NKTR: variants seen among roughly 807,000 people sequenced by gnomAD.
The protein encoded by NKTR is natural killer cell triggering receptor, also known as NK-tumor recognition protein.
Under a neutral mutation model 156.3 loss-of-function variants are expected in NKTR, and 67 were observed. The observed-to-expected ratio is 0.43, with a 90% CI of 0.35 to 0.53. NKTR has a LOEUF of 0.53. NKTR is among the 20% of genes least tolerant of loss of function. The pLI, the probability that NKTR is intolerant of heterozygous loss-of-function variation, is 0.01. For synonymous variants in NKTR, 640 were observed against 596.6 expected (o/e 1.07, Z -1.06); for missense variants, 1,604 against 1,730.9 (o/e 0.93, Z 1.30).
intron 13 of NKTR, among the ~76,000 whole-genome samples, chr3:42,641,291 C>T (rs777630857): frequency 1.3e-5 from 2 of 152,230 alleles, no homozygotes; most frequent in Admixed American, 6.5e-5. Flanking sequence ...TAGAACATAA[C>T]GTATTCATTT....
intron 5 of NKTR, chr3:42,620,869 T>G: frequency 1.0e-6 from 1 of 968,212 alleles, no homozygotes; most frequent in Non-Finnish European, 1.2e-6. Flanking sequence ...TTCACAGGGC[T>G]TTCTTCCTTA....
intron 6 of NKTR, chr3:42,630,315 C>CT: frequency 7.3e-7 from 1 of 1,361,498 alleles, no homozygotes; most frequent in South Asian, 1.9e-5. Flanking sequence ...TACATATAGT[C>CT]TAATAGAGAT....
At position 42,639,057 on chromosome 3, in the gene NKTR, G is replaced by C. The variant is rs1165646981; in HGVS notation, c.3353G>C (p.Gly1118Ala). The change falls in exon 13 of 17, where the codon GGA (glycine) becomes GCA (alanine). Residue 1118 changes from glycine (G) to alanine (A), a missense_variant. Gly to Ala is a moderately conservative substitution (Grantham distance 60). Transcript: ENST00000232978. The part of the protein sequence containing the change: ...IQHVEESVPN[G>A]VEDVLQTDDN... ...CACGTTGAAGAAAGTGTTCCCAATG[G>C]AGTGGAAGATGTGCTTCAAACAGAT... The C allele has an allele frequency of 3.7e-6, 6 of 1,614,104 alleles. No homozygotes were observed. Among genetic ancestry groups the C allele is most frequent in the Non-Finnish European group, 5.1e-6 (6 of 1,180,002 alleles).
rs903035905 is a variant in NKTR at position 42,642,445 on chromosome 3, T to G, written c.4047-56T>G. 1.4e-4 allele frequency: 185 copies of G among 1,349,430 alleles called. 1 individual carries two copies. The highest frequency in any genetic ancestry group is 1.3e-3 in the Middle Eastern group (7 of 5,304). 83.6% of individuals were successfully genotyped at this position (1,349,430 alleles called of 1,614,324 possible). A position where few individuals can be genotyped will look rare whatever the true frequency, so the allele number is the denominator to read the frequency against. The stretch of plus-strand genomic sequence containing the variant: ...CTTTCTGCCCTACCAGTAATTAATT[T>G]TAATATCATGATGAGTCAACATAAT... On this transcript the variant is annotated intron_variant, in intron 13 of 16. Coordinates refer to ENST00000232978, the MANE Select transcript of NKTR (RefSeq NM_005385.4).
chr3:42,630,758 A>C (rs2125804105), intron 7 of NKTR, 183 bp downstream of exon 7: 1 of 1,402,996 alleles, frequency 7.1e-7, no homozygotes, highest in Non-Finnish European at 9.3e-7. Context: ...CATGTGACTG[A>C]AGGAGTCAAT....
rs764120796 is a variant in NKTR, at chr3:42,632,665, CTCT to C, written c.621_623del (p.Ser208del). On this transcript the variant is annotated inframe_deletion, in exon 9 of 17. Transcript: ENST00000232978. Reference sequence around the variant, plus strand: ...GCTCGGATTCCTCTTCCAATTCCTCCTCTTCTTCAGAATCATCTTCAGAAAGTG... The same window carrying C: ...GCTCGGATTCCTCTTCCAATTCCTCCTCTTCAGAATCATCTTCAGAAAGTG... The C allele has an allele frequency of 1.6e-5, 26 of 1,613,834 alleles. No individual in the cohort carries two copies. In the East Asian group the frequency reaches 5.6e-4, roughly 35 times the overall value.
At chr3:42,620,544 T>C in intron 5 of NKTR, 1 of 984,788 alleles carries the variant, frequency 1.0e-6, no homozygotes, top group Non-Finnish European at 1.2e-6. Context: ...ATTACTACTC[T>C]TTTTCAGAAG....
chr3:42,629,566 T>C, intron 6 of NKTR: 1 of 984,206 alleles, frequency 1.0e-6, no homozygotes, highest in Non-Finnish European at 1.2e-6. Flanking sequence ...TACAGTTGAC[T>C]GCTTTAACAT....
At chr3:42,619,604 A>G (rs1008964068) in intron 4 of NKTR, 60 bp from the exon 5 acceptor site, 2 of 1,596,508 alleles carry the variant, frequency 1.3e-6, no homozygotes, top group African/African-American at 2.7e-5. Context: ...ATCAAAAATG[A>G]TTTCTGTGTT....
At chr3:42,603,602 A>G (rs1705842341) in intron 2 of NKTR, among the ~76,000 whole-genome samples, 1 of 152,198 alleles carries the variant, frequency 6.6e-6, no homozygotes, top group South Asian at 2.1e-4. Flanking sequence ...GAATCATATA[A>G]AACAAGGAAA....
In NKTR at chr3:42,635,237, C is replaced by T; in HGVS notation, c.1034C>T (p.Pro345Leu). The T allele has an allele frequency of 6.2e-7, 1 of 1,611,160 alleles. No homozygotes were observed. Among genetic ancestry groups the T allele is most frequent in the Non-Finnish European group, 8.5e-7 (1 of 1,179,198 alleles). ...GRGTIRYHTP[P>L]RSRSCSESDD... The stretch of plus-strand genomic sequence containing the variant: ...TTTTTAAAGCGCTATCACACACCTC[C>T]AAGATCAAGATCCTGTTCTGAGTCA... The change falls in exon 12 of 17, where the codon CCA becomes CTA. Residue 345 changes from proline (P) to leucine (L), a missense_variant. This residue lies in a region of NKTR where 1,255 missense variants were observed against 1,243.7 expected (regional missense o/e 1.01). Coordinates refer to ENST00000232978, the MANE Select transcript of NKTR (RefSeq NM_005385.4).
intron 3 of NKTR, among the ~76,000 whole-genome samples, chr3:42,618,208 G>A (rs1358615328): frequency 2.0e-5 from 3 of 151,574 alleles, no homozygotes; most frequent in Non-Finnish European, 4.4e-5. Flanking sequence ...AAAATTAGCC[G>A]GGCGTAGTGG....
intron 2 of NKTR, among the ~76,000 whole-genome samples, chr3:42,610,736 T>TC (rs1706706186): frequency 6.6e-6 from 1 of 152,118 alleles, no homozygotes; most frequent in South Asian, 2.1e-4. Context: ...ATATCATCTC[T>TC]CCCAGGCTTT....
At chr3:42,642,708 ACT>A in intron 14 of NKTR, 112 bp downstream of exon 14, 1 of 738,270 alleles carries the variant, frequency 1.4e-6, no homozygotes, top group Non-Finnish European at 2.4e-6. Flanking sequence ...TGAATATACT[ACT>A]GGCCTATTTT....
At position 42,615,040 on chromosome 3, in the gene NKTR, G is replaced by A. The variant is rs991820327; in HGVS notation, c.59-2530G>A. ...GCAAAAGACTTTTTTTTTTGCTCCAGGCTAGAAGAGGGTAAGATATTAGAG... is the reference window on the plus strand; with the variant it reads ...GCAAAAGACTTTTTTTTTTGCTCCAAGCTAGAAGAGGGTAAGATATTAGAG... On this transcript the variant is annotated intron_variant, in intron 2 of 16. Coordinates refer to ENST00000232978, the MANE Select transcript of NKTR (RefSeq NM_005385.4). Among the ~76,000 whole-genome samples the A allele has an allele frequency of 5.9e-5, 9 of 151,616 alleles. 1 individual carries two copies. The highest frequency in any genetic ancestry group is 4.6e-4 in the Admixed American group (7 of 15,218).
rs143728208 is a variant in NKTR at position 42,637,260 on chromosome 3, A to G, written c.1556A>G (p.Tyr519Cys). ...SSLTHSSRDS[Y>C]RSKSHSQSYS... ...TTAACCCATTCCAGCAGAGACTCAT[A>G]CAGATCAAAATCTCACTCACAGTCT... The change falls in exon 13 of 17, where the codon TAC becomes TGC. Residue 519 changes from tyrosine (Y) to cysteine (C), a missense_variant. Tyr to Cys is a radical substitution (Grantham distance 194, BLOSUM62 -2). This residue lies in a region of NKTR where 1,255 missense variants were observed against 1,243.7 expected (regional missense o/e 1.01). Transcript: ENST00000232978. 18 of 1,613,658 alleles carry G rather than the reference A, an allele frequency of 1.1e-5. No individual in the cohort carries two copies. The East Asian group carries it at 4.0e-4, about 36-fold the overall frequency.
rs115819097 is a variant in NKTR at position 42,606,508 on chromosome 3, A to G, written c.58+5444A>G. 7.7e-3 allele frequency among the ~76,000 whole-genome samples: 1,179 copies of G among 152,158 alleles called. 22 individuals carry two copies. The highest frequency in any genetic ancestry group is 0.027 in the African/African-American group (1,125 of 41,500). The stretch of plus-strand genomic sequence containing the variant: ...TGATTTTGGTCCCTTTTGTTCCCAG[A>G]GATTGTATCTTAAAGTCCGAGAGAC... On this transcript the variant is annotated intron_variant, in intron 2 of 16. Transcript: ENST00000232978.
intron 6 of NKTR, among the ~76,000 whole-genome samples, chr3:42,626,865 C>G (rs905102330): frequency 6.6e-6 from 1 of 152,052 alleles, no homozygotes; most frequent in African/African-American, 2.4e-5. Context: ...ATACACTATT[C>G]TCTTTTGAGA....
At chr3:42,603,732 CTTTTTTT>C (rs11315714) in intron 2 of NKTR, among the ~76,000 whole-genome samples, 54 of 116,700 alleles carry the variant, frequency 4.6e-4, no homozygotes, top group Non-Finnish European at 5.1e-5. Context: ...TTTTACACAA[CTTTTTTT>C]TTTTTTTTTT....
Sources: gnomAD v4.1 joint callset for allele counts (sites outside exome capture counted in the v4.1 genomes callset) on GRCh38, gnomAD v4.1.1 for gene constraint, gnomAD v4.1.1 regional missense constraint, MANE v1.5 for transcripts, NCBI Gene and HGNC (gene_info 2026-07-23, HGNC 2026-07-21) for gene names.